The following RASAL2 variants were observed in gnomAD, a reference collection of about 807,000 sequenced individuals.
RASAL2 encodes ras GTPase-activating protein nGAP.
In RASAL2, 58 loss-of-function variants were observed where a neutral mutation model predicts 128.9. The ratio of observed to expected loss-of-function variants is 0.45; its 90% CI spans 0.36 to 0.56. The LOEUF (loss-of-function observed/expected upper bound fraction) is 0.56. RASAL2 is among the 20% of genes least tolerant of loss of function. The pLI is 0.00. For synonymous variants in RASAL2, 561 were observed against 580.8 expected (o/e 0.97, Z 0.49); for missense variants, 1,360 against 1,601.6 (o/e 0.85, Z 2.57).
intron 4 of RASAL2, among the ~76,000 whole-genome samples, chr1:178,409,788 A>C (rs1363154410): frequency 6.6e-6 from 1 of 152,188 alleles, no homozygotes; most frequent in Admixed American, 6.5e-5. Context: ...GAAGCAGGCA[A>C]TGGGCAACTG....
chr1:178,177,550 AAC>A (rs1661936585), intron 1 of RASAL2, among the ~76,000 whole-genome samples: 1 of 152,218 alleles, frequency 6.6e-6, no homozygotes, highest in African/African-American at 2.4e-5. Flanking sequence ...ATTAAAAAGG[AAC>A]AGTACCTTCA....
intron 1 of RASAL2, among the ~76,000 whole-genome samples, chr1:178,245,233 C>G (rs527858731): frequency 1.3e-5 from 2 of 152,346 alleles, no homozygotes; most frequent in Admixed American, 6.5e-5. Flanking sequence ...TCCTCGCCAG[C>G]ATCTGTTGTT....
At chr1:178,243,586 G>A (rs2102059738) in intron 1 of RASAL2, among the ~76,000 whole-genome samples, 1 of 147,882 alleles carries the variant, frequency 6.8e-6, no homozygotes, top group Middle Eastern at 3.5e-3. Context: ...GTGATGCTAG[G>A]CTTGCTTGTT....
chr1:178,357,009 A>G (rs538580856), intron 3 of RASAL2, among the ~76,000 whole-genome samples: 18 of 152,266 alleles, frequency 1.2e-4, no homozygotes, highest in Middle Eastern at 3.4e-3. Context: ...TGCAGTTGCC[A>G]ACTTTGAGTT....
intron 1 of RASAL2, among the ~76,000 whole-genome samples, chr1:178,220,036 C>T (rs999997577): frequency 1.3e-5 from 2 of 151,904 alleles, no homozygotes; most frequent in African/African-American, 2.4e-5. Flanking sequence ...GGTATGTCCT[C>T]TCCTCTCTTT....
intron 1 of RASAL2, among the ~76,000 whole-genome samples, chr1:178,238,588 CTG>C (rs958725684): frequency 3.9e-5 from 6 of 152,010 alleles, no homozygotes; most frequent in African/African-American, 1.4e-4. Context: ...TAAAATATTT[CTG>C]TGTGTATGTG....
intron 9 of RASAL2, among the ~76,000 whole-genome samples, chr1:178,449,656 T>A (rs543753120): frequency 2.0e-5 from 3 of 152,094 alleles, no homozygotes; most frequent in African/African-American, 7.2e-5. Flanking sequence ...TAAAAGCCTC[T>A]CCTTTCAATA....
chr1:178,161,282 C>T (rs1661284751), intron 1 of RASAL2, among the ~76,000 whole-genome samples: 1 of 151,416 alleles, frequency 6.6e-6, no homozygotes, highest in Non-Finnish European at 1.5e-5. Flanking sequence ...TGTTCATTTC[C>T]CCTCCCTCAG....
chr1:178,427,365 A>G (rs776382872), intron 5 of RASAL2, among the ~76,000 whole-genome samples: 2 of 152,176 alleles, frequency 1.3e-5, no homozygotes, highest in African/African-American at 2.4e-5. Context: ...AAAGATGAGC[A>G]TATGGAGTAG....
At chr1:178,379,942 G>C (rs1283547574) in intron 3 of RASAL2, among the ~76,000 whole-genome samples, 1 of 152,152 alleles carries the variant, frequency 6.6e-6, no homozygotes, top group Non-Finnish European at 1.5e-5. Flanking sequence ...TCTCACTCTT[G>C]TCAGTCAAGC....
intron 1 of RASAL2, among the ~76,000 whole-genome samples, chr1:178,208,939 A>T (rs1222295579): frequency 3.9e-5 from 6 of 152,074 alleles, no homozygotes; most frequent in Non-Finnish European, 8.8e-5. Flanking sequence ...CTACATTGAA[A>T]TATTGGGGGC....
chr1:178,462,725 A>G (rs182784473), intron 14 of RASAL2, among the ~76,000 whole-genome samples: 3 of 152,294 alleles, frequency 2.0e-5, no homozygotes, highest in Admixed American at 6.5e-5. Context: ...GTGCTAGGAT[A>G]TATTAGGAAG....
chr1:178,359,558 T>C (rs1228117096), intron 3 of RASAL2, among the ~76,000 whole-genome samples: 2 of 152,226 alleles, frequency 1.3e-5, no homozygotes, highest in African/African-American at 2.4e-5. Flanking sequence ...AAACATCATT[T>C]TGGAATTTCC....
intron 1 of RASAL2, among the ~76,000 whole-genome samples, chr1:178,122,230 T>G (rs1209438134): frequency 6.6e-6 from 1 of 152,170 alleles, no homozygotes; most frequent in Non-Finnish European, 1.5e-5. Flanking sequence ...TTAGGTGAAA[T>G]GTAAAAACAT....
rs1456051732 is a variant in RASAL2, at chr1:178,115,803, G to A, written c.202+21109G>A. On this transcript the variant is annotated intron_variant, in intron 1 of 17. Transcript: ENST00000367649. The stretch of plus-strand genomic sequence containing the variant: ...CTGGGTAAAACATGGTGATAATTTG[G>A]GCTAGGGAGATGGTAGAGAAAAGAG... Among the ~76,000 whole-genome samples the A allele has an allele frequency of 2.6e-5, 4 of 152,274 alleles. No individual in the cohort carries two copies. The East Asian group carries it at 7.7e-4, about 29-fold the overall frequency.
intron 1 of RASAL2, among the ~76,000 whole-genome samples, chr1:178,114,352 T>C (rs1244458392): frequency 1.3e-5 from 2 of 152,176 alleles, no homozygotes; most frequent in African/African-American, 4.8e-5. Context: ...AGATCTCCTT[T>C]ATTAGTTTAA....
intron 3 of RASAL2, among the ~76,000 whole-genome samples, chr1:178,315,479 A>C (rs1382587186): frequency 6.9e-6 from 1 of 145,000 alleles, no homozygotes. Context: ...AATGATTGCC[A>C]TTCTAACTGG....
intron 15 of RASAL2, 118 bp from the exon 16 acceptor site, chr1:178,465,802 T>TA (rs201841559): frequency 0.037 from 36,289 of 984,132 alleles, 1,587 homozygotes; most frequent in African/African-American, 0.21. Flanking sequence ...TTTCTTTTGT[T>TA]AAAAAAAAGA....
intron 1 of RASAL2, among the ~76,000 whole-genome samples, chr1:178,146,346 C>T (rs550823446): frequency 1.1e-3 from 173 of 152,312 alleles, no homozygotes; most frequent in African/African-American, 3.6e-3. Context: ...TGCAAACTGA[C>T]GTAGGCGAAG....
Sources: allele counts gnomAD v4.1 joint callset (sites outside exome capture counted in the v4.1 genomes callset), GRCh38; gene constraint gnomAD v4.1.1; transcripts MANE v1.5; gene names NCBI Gene and HGNC (gene_info 2026-07-23, HGNC 2026-07-21).